Variants in PCSK5 observed in about 807,000 individuals in gnomAD.
The protein encoded by PCSK5 is prohormone convertase 5.
Under a neutral mutation model 233.2 loss-of-function variants are expected in PCSK5, and 129 were observed. That is an observed-to-expected ratio of 0.55 (90% CI 0.48 to 0.64). PCSK5 has a LOEUF of 0.64. Among genes scored for constraint, PCSK5 ranks in the 30% least tolerant of loss-of-function variants. PCSK5 has a pLI of 0.00. For missense variants in PCSK5, 2,076 were observed against 2,430.1 expected, an observed-to-expected ratio of 0.85 and a Z score of 3.06; for synonymous variants, 825 against 879.2, an observed-to-expected ratio of 0.94 and a Z score of 1.09.
At chr9:76,313,534 A>C (rs1183006706) in intron 30 of PCSK5, among the ~76,000 whole-genome samples, 1 of 152,102 alleles carries the variant, frequency 6.6e-6, no homozygotes. Context: ...ATTATATAAA[A>C]TGTGGTCTTT....
chr9:75,996,223 A>G (rs1264234237), intron 3 of PCSK5, among the ~76,000 whole-genome samples: 2 of 152,242 alleles, frequency 1.3e-5, no homozygotes, highest in Non-Finnish European at 2.9e-5. Context: ...TAAAGTTCCT[A>G]TGAAGAAGAC....
chr9:76,304,321 G>A (rs969994556), intron 28 of PCSK5, among the ~76,000 whole-genome samples: 4 of 152,182 alleles, frequency 2.6e-5, no homozygotes, highest in African/African-American at 7.2e-5. Flanking sequence ...ATCTATGTAT[G>A]TACCTTTCTA....
chr9:75,954,569 G>C (rs186139384), intron 2 of PCSK5, among the ~76,000 whole-genome samples: 80 of 152,270 alleles, frequency 5.3e-4, no homozygotes, highest in African/African-American at 1.8e-3. Flanking sequence ...AATTGTAGTT[G>C]TTACAATGGC....
At chr9:76,126,056 GA>G (rs1385564154) in intron 9 of PCSK5, among the ~76,000 whole-genome samples, 10 of 152,274 alleles carry the variant, frequency 6.6e-5, no homozygotes, top group African/African-American at 2.2e-4. Context: ...GGGAGACAAT[GA>G]AAAAGAAAGT....
chr9:75,939,072 G>T (rs765248683), intron 2 of PCSK5, among the ~76,000 whole-genome samples: 1 of 151,992 alleles, frequency 6.6e-6, no homozygotes, highest in Non-Finnish European at 1.5e-5. Context: ...TACTTACAAG[G>T]CTCCAAAGAA....
chr9:76,056,625 C>G (rs1211307232), intron 5 of PCSK5, among the ~76,000 whole-genome samples: 1 of 152,114 alleles, frequency 6.6e-6, no homozygotes, highest in African/African-American at 2.4e-5. Context: ...GATGATAAAA[C>G]TTAGTAAGAA....
Position 76,145,433 on chromosome 9 carries a change from T to G in PCSK5, c.1312+11221T>G, listed in dbSNP as rs115803522. 5.8e-3 allele frequency among the ~76,000 whole-genome samples: 882 copies of G among 152,296 alleles called. 15 individuals are homozygous for G. The highest frequency in any genetic ancestry group is 0.021 in the African/African-American group (854 of 41,574). ...CGGTGAAAAGGCTTCATTTGAAGTC[T>G]TCCATGATTATCGTCAACCTGTCTT... On this transcript the variant is annotated intron_variant, in intron 10 of 37. Transcript: ENST00000674117.
chr9:76,217,891 A>G (rs1451966675), intron 20 of PCSK5, among the ~76,000 whole-genome samples: 1 of 152,030 alleles, frequency 6.6e-6, no homozygotes, highest in Non-Finnish European at 1.5e-5. Context: ...GCCCCTCCAC[A>G]CCACATTCCC....
At chr9:76,036,419 G>A (rs990712649) in intron 5 of PCSK5, among the ~76,000 whole-genome samples, 21 of 152,146 alleles carry the variant, frequency 1.4e-4, no homozygotes, top group African/African-American at 5.1e-4. Context: ...AAAGAAGGCA[G>A]GGGGATAGAG....
intron 4 of PCSK5, among the ~76,000 whole-genome samples, chr9:76,025,530 A>AT (rs563439048): frequency 1.2e-3 from 181 of 152,198 alleles, no homozygotes; most frequent in Non-Finnish European, 1.9e-3. Flanking sequence ...GAAGCAGCCC[A>AT]TTTTTCATTT....
intron 20 of PCSK5, among the ~76,000 whole-genome samples, chr9:76,219,146 G>C (rs1825640888): frequency 1.3e-5 from 2 of 152,272 alleles, no homozygotes; most frequent in South Asian, 4.2e-4. Context: ...CTCTCCAGGG[G>C]CTTCTCTTTT....
At chr9:76,296,526 G>C (rs1828443017) in intron 26 of PCSK5, 139 bp from the exon 27 acceptor site, 3 of 628,674 alleles carry the variant, frequency 4.8e-6, no homozygotes, top group Non-Finnish European at 8.5e-6. Context: ...CTGGGCAACA[G>C]AGAGAGACTC....
At chr9:76,182,320 T>C (rs1251805828) in intron 16 of PCSK5, among the ~76,000 whole-genome samples, 1 of 152,158 alleles carries the variant, frequency 6.6e-6, no homozygotes, top group African/African-American at 2.4e-5. Flanking sequence ...AAAATATGAC[T>C]GTCTTTTAAG....
At chr9:76,271,194 A>G (rs571820980) in intron 24 of PCSK5, among the ~76,000 whole-genome samples, 3 of 152,302 alleles carry the variant, frequency 2.0e-5, no homozygotes, top group African/African-American at 7.2e-5. Flanking sequence ...TCAAATGAGC[A>G]TTAAGGGAGA....
intron 24 of PCSK5, among the ~76,000 whole-genome samples, chr9:76,283,636 T>C (rs1237939570): frequency 6.6e-6 from 1 of 152,174 alleles, no homozygotes; most frequent in Non-Finnish European, 1.5e-5. Flanking sequence ...ACCCATAATA[T>C]CTCTGAGGCA....
At chr9:75,958,599 GA>G (rs1165358763) in intron 2 of PCSK5, among the ~76,000 whole-genome samples, 2 of 152,176 alleles carry the variant, frequency 1.3e-5, no homozygotes, top group African/African-American at 4.8e-5. Flanking sequence ...ATGAGCTTGA[GA>G]CTCTCTGTGA....
At chr9:76,084,770 A>G (rs141125096) in intron 7 of PCSK5, among the ~76,000 whole-genome samples, 15 of 152,218 alleles carry the variant, frequency 9.9e-5, no homozygotes, top group Non-Finnish European at 1.6e-4. Context: ...TCAATATAAT[A>G]CAGCAGTAGT....
intron 2 of PCSK5, among the ~76,000 whole-genome samples, chr9:75,955,336 A>G (rs371088704): frequency 5.9e-5 from 9 of 152,196 alleles, no homozygotes; most frequent in South Asian, 2.1e-4. Flanking sequence ...TTACACTGGA[A>G]TTCACAGGCA....
At position 76,067,972 on chromosome 9, in the gene PCSK5, C is replaced by G; in HGVS notation, c.650C>G (p.Ala217Gly). Residue 217 changes from alanine to glycine, a missense_variant, in exon 6 of 38, where the codon GCT becomes GGT. Coordinates refer to ENST00000674117, the MANE Select transcript of PCSK5 (RefSeq NM_001372043.1). Reference sequence around the variant, plus strand: ...GCCTGCAGGCATGGGACTCGCTGTGCTGGAGAAGTGGCAGCCGCTGCAAAC... The same window carrying G: ...GCCTGCAGGCATGGGACTCGCTGTGGTGGAGAAGTGGCAGCCGCTGCAAAC... The part of the protein sequence containing the change: ...SNENKHGTRC[A>G]GEVAAAANNS... 6.2e-7 allele frequency: 1 copy of G among 1,613,716 alleles called. No homozygotes were observed. Among genetic ancestry groups the G allele is most frequent in the Non-Finnish European group, 8.5e-7 (1 of 1,179,770 alleles).
Sources: gnomAD v4.1 joint callset for allele counts (sites outside exome capture counted in the v4.1 genomes callset) on GRCh38, gnomAD v4.1.1 for gene constraint, MANE v1.5 for transcripts, NCBI Gene and HGNC (gene_info 2026-07-23, HGNC 2026-07-21) for gene names.